TBX15: variants seen among roughly 807,000 people sequenced by gnomAD.
TBX15 encodes the protein T-box transcription factor TBX15.
TBX15 carries 18 observed loss-of-function variants against 53.9 expected under a neutral mutation model. The observed-to-expected ratio is 0.33, with a 90% CI of 0.23 to 0.49. TBX15 has a LOEUF of 0.49. Ranked by LOEUF, TBX15 falls within the 20% of genes least tolerant of loss-of-function variation. The pLI, the probability that TBX15 is intolerant of heterozygous loss-of-function variation, is 0.98. For synonymous variants in TBX15, 295 were observed against 278.0 expected (o/e 1.06, Z -0.61); for missense variants, 692 against 749.5 (o/e 0.92, Z 0.90).
At chr1:118,900,295 C>A (rs561299388) in intron 6 of TBX15, among the ~76,000 whole-genome samples, 1 of 152,312 alleles carries the variant, frequency 6.6e-6, no homozygotes, top group South Asian at 2.1e-4. Context: ...TGAGATGAAA[C>A]TTCTGCTGCC....
At chr1:118,891,531 G>A (rs1036587945) in intron 7 of TBX15, among the ~76,000 whole-genome samples, 5 of 152,144 alleles carry the variant, frequency 3.3e-5, no homozygotes, top group African/African-American at 1.2e-4. Flanking sequence ...CCTACCTTCA[G>A]GGAAGGCATG....
intron 1 of TBX15, among the ~76,000 whole-genome samples, chr1:118,938,619 A>C (rs893962462): frequency 2.0e-5 from 3 of 152,204 alleles, no homozygotes; most frequent in African/African-American, 7.2e-5. Context: ...TCCCACCAAC[A>C]GTGTATAAGT....
intron 1 of TBX15, 117 bp downstream of exon 1, chr1:118,987,474 A>T (rs1657876148): frequency 8.0e-7 from 1 of 1,257,298 alleles, no homozygotes; most frequent in Admixed American, 2.8e-5. Flanking sequence ...ACAGAAACCT[A>T]TGTTGGGGCA....
intron 6 of TBX15, among the ~76,000 whole-genome samples, chr1:118,905,977 T>C (rs1278980600): frequency 6.6e-6 from 1 of 152,162 alleles, no homozygotes. Flanking sequence ...CTGTACACTG[T>C]CATTAGCTGG....
At chr1:118,976,192 C>A (rs1657426233) in intron 1 of TBX15, among the ~76,000 whole-genome samples, 1 of 152,180 alleles carries the variant, frequency 6.6e-6, no homozygotes, top group African/African-American at 2.4e-5. Context: ...CAAAACAGAG[C>A]TGGGGTTTCT....
chr1:118,891,035 G>T, intron 7 of TBX15: 1 of 939,554 alleles, frequency 1.1e-6, no homozygotes, highest in African/African-American at 1.8e-5. Flanking sequence ...CCCAGAGATC[G>T]TAAAGTTTAA....
At chr1:118,959,472 T>C (rs890034271) in intron 1 of TBX15, among the ~76,000 whole-genome samples, 6 of 152,162 alleles carry the variant, frequency 3.9e-5, no homozygotes, top group Admixed American at 6.5e-5. Flanking sequence ...CTGTCAGCAC[T>C]GTAGAGGCTC....
chr1:118,911,582 A>C (rs910964065), intron 6 of TBX15, among the ~76,000 whole-genome samples: 25 of 152,202 alleles, frequency 1.6e-4, no homozygotes, highest in African/African-American at 5.1e-4. Context: ...TTCAAGATGC[A>C]ACAGTCTAAT....
chr1:118,942,755 A>C (rs1427004964), intron 1 of TBX15, among the ~76,000 whole-genome samples: 3 of 152,260 alleles, frequency 2.0e-5, no homozygotes, highest in African/African-American at 7.2e-5. Context: ...AAATACTCAG[A>C]TACTAACTCT....
intron 6 of TBX15, among the ~76,000 whole-genome samples, chr1:118,910,518 A>G (rs1216684315): frequency 2.0e-5 from 3 of 152,208 alleles, no homozygotes; most frequent in Non-Finnish European, 2.9e-5. Flanking sequence ...ACCAGTTCCC[A>G]GAAGATTTGC....
chr1:118,931,582 T>C (rs951521333), intron 2 of TBX15, 37 bp downstream of exon 2: 3 of 1,609,184 alleles, frequency 1.9e-6, no homozygotes, highest in Non-Finnish European at 2.6e-6. Context: ...TTCTGCAAAT[T>C]CTTTGAATCT....
intron 6 of TBX15, among the ~76,000 whole-genome samples, chr1:118,901,165 T>A (rs1470671569): frequency 6.6e-6 from 1 of 152,226 alleles, no homozygotes; most frequent in Non-Finnish European, 1.5e-5. Flanking sequence ...CTAGGTAATT[T>A]ATAAACAATA....
chr1:118,895,827 C>T (rs976041611), intron 7 of TBX15, among the ~76,000 whole-genome samples: 5 of 152,106 alleles, frequency 3.3e-5, no homozygotes, highest in African/African-American at 1.2e-4. Context: ...GAAGAGCAAA[C>T]TAAAATCTTT....
At chr1:118,902,966 C>A (rs1261498499) in intron 6 of TBX15, among the ~76,000 whole-genome samples, 1 of 152,028 alleles carries the variant, frequency 6.6e-6, no homozygotes, top group Non-Finnish European at 1.5e-5. Flanking sequence ...TAATGGTATG[C>A]CATTAACGTG....
intron 1 of TBX15, among the ~76,000 whole-genome samples, chr1:118,955,232 A>G (rs552341068): frequency 9.4e-4 from 137 of 145,830 alleles, no homozygotes; most frequent in African/African-American, 3.1e-3. Flanking sequence ...CCCTTTAAAT[A>G]TGAACAATGT....
chr1:118,979,785 C>T lies in TBX15; in HGVS notation c.205+7806G>A, dbSNP rs574810087. Among the ~76,000 whole-genome samples, 9 of 152,336 alleles carry T rather than the reference C, an allele frequency of 5.9e-5. No homozygotes were observed. In the South Asian group the frequency reaches 1.9e-3, roughly 32 times the overall value. ...TTCCGGGTCCCGGGTTTCCAGGGTC[C>T]CGGGTTTCCAAGGCCCCGCGATAAC... On this transcript the variant is annotated intron_variant, in intron 1 of 7. Transcript: ENST00000369429.
intron 7 of TBX15, among the ~76,000 whole-genome samples, chr1:118,893,516 AAGAAAGAAAG>A (rs1197216727): frequency 7.2e-6 from 1 of 138,084 alleles, no homozygotes; most frequent in Non-Finnish European, 1.6e-5. Flanking sequence ...GAAAGAAAGA[AAGAAAGAAAG>A]AAGGAAAGAA....
At chr1:118,939,049 A>G (rs1004751409) in intron 1 of TBX15, among the ~76,000 whole-genome samples, 2 of 152,200 alleles carry the variant, frequency 1.3e-5, no homozygotes, top group African/African-American at 4.8e-5. Context: ...ACCATAAAAA[A>G]GAATGAAATC....
chr1:118,913,243 AAT>A (rs952114922), intron 6 of TBX15, among the ~76,000 whole-genome samples: 3 of 152,108 alleles, frequency 2.0e-5, no homozygotes, highest in Non-Finnish European at 4.4e-5. Flanking sequence ...AAAAAAAAAA[AAT>A]CTATTAAAAT....
Sources: gnomAD v4.1 joint callset for allele counts (sites outside exome capture counted in the v4.1 genomes callset) on GRCh38, gnomAD v4.1.1 for gene constraint, MANE v1.5 for transcripts, NCBI Gene and HGNC (gene_info 2026-07-23, HGNC 2026-07-21) for gene names.